SLC16A12: variants seen among roughly 807,000 people sequenced by gnomAD.
The protein encoded by SLC16A12 is monocarboxylate transporter 12.
A neutral mutation model predicts 42.4 loss-of-function variants in SLC16A12; 17 were observed. That is an observed-to-expected ratio of 0.40 (90% CI 0.27 to 0.60). The LOEUF (loss-of-function observed/expected upper bound fraction) is 0.60. Among genes scored for constraint, SLC16A12 ranks in the 20% least tolerant of loss-of-function variants. SLC16A12 has a pLI of 0.42. For synonymous variants in SLC16A12, 224 were observed against 229.4 expected (o/e 0.98, Z 0.21); for missense variants, 544 against 623.0 (o/e 0.87, Z 1.35).
rs543568900 is a variant in SLC16A12, at chr10:89,431,142, C to T, written c.*1922G>A. ...CCTCATGAGTAGCTGGGACTACAGG[C>T]GCCCGCCACCACGCCTGGCTAATTT... On this transcript the variant is annotated 3_prime_UTR_variant, in exon 8 of 8. Transcript: ENST00000371790. 3 of 169,218 alleles carry T rather than the reference C, an allele frequency of 1.8e-5. No individual in the cohort carries two copies. Among genetic ancestry groups the T allele is most frequent in the Admixed American group, 6.3e-5 (1 of 15,958 alleles). The allele number at this position is 169,218 out of a possible 1,614,324, so 10.5% of individuals were successfully genotyped here.
chr10:89,555,942 T>C (rs551329696), exon 2 of SLC16A12: 1 of 151,688 alleles, frequency 6.6e-6, no homozygotes, highest in Admixed American at 6.6e-5. Flanking sequence ...CACTCTGGTA[T>C]GGGCTAGTGA....
At chr10:89,512,639 G>T (rs771386425) in intron 2 of SLC16A12, among the ~76,000 whole-genome samples, 1 of 152,238 alleles carries the variant, frequency 6.6e-6, no homozygotes, top group Non-Finnish European at 1.5e-5. Context: ...CAAAGGTCCA[G>T]TAAGAGAGAA....
At chr10:89,510,626 A>T (rs910777323) in intron 2 of SLC16A12, among the ~76,000 whole-genome samples, 2 of 152,168 alleles carry the variant, frequency 1.3e-5, no homozygotes, top group African/African-American at 4.8e-5. Flanking sequence ...AACCATAAAA[A>T]CCCTAGAAGA....
chr10:89,524,942 G>A (rs1338613677), intron 2 of SLC16A12, among the ~76,000 whole-genome samples: 3 of 152,214 alleles, frequency 2.0e-5, no homozygotes, highest in Non-Finnish European at 4.4e-5. Flanking sequence ...CTGAGGCCGG[G>A]AGCAGTGGCT....
At position 89,433,076 on chromosome 10, in the gene SLC16A12, G is replaced by A. The variant is rs770619988; in HGVS notation, c.1539C>T (p.Tyr513=). Reference sequence around the variant, plus strand: ...TCAAGGCCTTTGGTCATGTGAGGCTGTAGCCAGGCACTGCTGTAGCCACAG... The same window carrying A: ...TCAAGGCCTTTGGTCATGTGAGGCTATAGCCAGGCACTGCTGTAGCCACAG... The part of the protein sequence containing the change: ...GEPVATAVPG[Y]SLT The change falls in exon 8 of 8, where the codon TAC becomes TAT. Residue 513 remains tyrosine, a synonymous_variant. Transcript: ENST00000371790. 1.2e-5 allele frequency: 20 copies of A among 1,614,034 alleles called. No individual in the cohort carries two copies. Among genetic ancestry groups the A allele is most frequent in the Admixed American group, 6.7e-5 (4 of 60,006 alleles).
At chr10:89,547,652 G>T (rs1372846176) in intron 2 of SLC16A12, among the ~76,000 whole-genome samples, 1 of 152,066 alleles carries the variant, frequency 6.6e-6, no homozygotes, top group Non-Finnish European at 1.5e-5. Flanking sequence ...AAAAGAAAAG[G>T]GTACATGATT....
intron 2 of SLC16A12, among the ~76,000 whole-genome samples, chr10:89,531,623 A>G (rs1843555756): frequency 6.6e-6 from 1 of 152,196 alleles, no homozygotes; most frequent in African/African-American, 2.4e-5. Flanking sequence ...GTTGGGCAGT[A>G]TTTCATTAAG....
chr10:89,548,871 T>C (rs192269131), intron 2 of SLC16A12, among the ~76,000 whole-genome samples: 46 of 152,202 alleles, frequency 3.0e-4, no homozygotes, highest in African/African-American at 1.1e-3. Context: ...GCCACAGGAA[T>C]TGCACAAGTG....
At chr10:89,485,517 G>C (rs1564585387) in intron 2 of SLC16A12, among the ~76,000 whole-genome samples, 1 of 152,130 alleles carries the variant, frequency 6.6e-6, no homozygotes, top group Non-Finnish European at 1.5e-5. Flanking sequence ...TTCCACAAAA[G>C]TTCTCCATTT....
Position 89,500,130 on chromosome 10 carries a change from A to G in SLC16A12, c.-47+34371T>C, listed in dbSNP as rs141032379. Among the ~76,000 whole-genome samples the G allele has an allele frequency of 2.3e-3, 343 of 152,254 alleles. 1 individual carries two copies. The highest frequency in any genetic ancestry group is 7.8e-3 in the African/African-American group (323 of 41,548). ...AGAAACCCACCAATAACAAGCAGCAAGATTGAAATGGTAATTTTAAAAATA... is the reference window on the plus strand; with the variant it reads ...AGAAACCCACCAATAACAAGCAGCAGGATTGAAATGGTAATTTTAAAAATA... On this transcript the variant is annotated intron_variant, in intron 2 of 7. Coordinates refer to ENST00000371790, the MANE Select transcript of SLC16A12 (RefSeq NM_213606.4).
At chr10:89,447,742 A>T (rs1842027444) in intron 3 of SLC16A12, among the ~76,000 whole-genome samples, 1 of 152,246 alleles carries the variant, frequency 6.6e-6, no homozygotes, top group South Asian at 2.1e-4. Flanking sequence ...GCAGAAGGCA[A>T]GAAATAACTA....
intron 1 of SLC16A12, chr10:89,556,487 G>A (rs1417274413): frequency 1.3e-5 from 2 of 152,186 alleles, no homozygotes; most frequent in Admixed American, 1.3e-4. Flanking sequence ...TTCAGAAGCA[G>A]GCCTCAGAAA....
At chr10:89,545,145 C>T (rs1286897246) in intron 2 of SLC16A12, among the ~76,000 whole-genome samples, 1 of 152,186 alleles carries the variant, frequency 6.6e-6, no homozygotes, top group Non-Finnish European at 1.5e-5. Flanking sequence ...CCAAGACCAG[C>T]AAAGCTATCC....
intron 3 of SLC16A12, among the ~76,000 whole-genome samples, chr10:89,457,614 T>G (rs1230041727): frequency 1.3e-5 from 2 of 152,172 alleles, no homozygotes; most frequent in Admixed American, 6.5e-5. Context: ...GAAGTGTGAT[T>G]CTTTTTTTTA....
At chr10:89,489,154 G>A (rs1842809770) in intron 2 of SLC16A12, among the ~76,000 whole-genome samples, 1 of 152,058 alleles carries the variant, frequency 6.6e-6, no homozygotes, top group Admixed American at 6.6e-5. Flanking sequence ...CCATTTCATA[G>A]ACATATTAAT....
chr10:89,537,342 A>G (rs1307334328), upstream of SLC16A12, among the ~76,000 whole-genome samples: 1 of 151,914 alleles, frequency 6.6e-6, no homozygotes, highest in South Asian at 2.1e-4. Context: ...TGTGCAAGCC[A>G]GGGGTTTTTT....
chr10:89,461,622 T>A (rs1280114851), intron 3 of SLC16A12, among the ~76,000 whole-genome samples: 2 of 152,230 alleles, frequency 1.3e-5, no homozygotes, highest in African/African-American at 4.8e-5. Flanking sequence ...TTGCCCATAG[T>A]GTTTTTCTTG....
At chr10:89,506,824 C>T (rs1843069600) in intron 2 of SLC16A12, among the ~76,000 whole-genome samples, 1 of 151,954 alleles carries the variant, frequency 6.6e-6, no homozygotes, top group African/African-American at 2.4e-5. Context: ...AGCTAAGAAC[C>T]TTGAAAAAAG....
At chr10:89,476,250 T>C (rs1476084729) in intron 2 of SLC16A12, among the ~76,000 whole-genome samples, 6 of 152,204 alleles carry the variant, frequency 3.9e-5, no homozygotes, top group Non-Finnish European at 8.8e-5. Context: ...CAGAGTCTTT[T>C]TGTTCGTCAT....
Sources: gnomAD v4.1 joint callset for allele counts (sites outside exome capture counted in the v4.1 genomes callset) on GRCh38, gnomAD v4.1.1 for gene constraint, MANE v1.5 for transcripts, NCBI Gene and HGNC (gene_info 2026-07-23, HGNC 2026-07-21) for gene names.